The following RIC8A variants were observed in gnomAD, a reference collection of about 807,000 sequenced individuals.
RIC8A encodes the protein RIC8 guanine nucleotide exchange factor A, also known as chaperone Ric-8A.
In RIC8A, 37 loss-of-function variants were observed where a neutral mutation model predicts 48.4. The observed-to-expected ratio is 0.77, with a 90% CI of 0.59 to 1.01. The LOEUF (loss-of-function observed/expected upper bound fraction) is 1.01, where lower values mean the gene tolerates loss of function less well. Among genes scored for constraint, RIC8A ranks in the 50% least tolerant of loss-of-function variants. The pLI is 0.00. For synonymous variants in RIC8A, 288 were observed against 283.4 expected (o/e 1.02, Z -0.16); for missense variants, 681 against 696.8 (o/e 0.98, Z 0.25).
rs776857708 is a variant in RIC8A, at chr11:209,559, T to C, written c.285T>C (p.Tyr95=). 5 of 1,614,138 alleles carry C rather than the reference T, an allele frequency of 3.1e-6. No homozygotes were observed. Among genetic ancestry groups the C allele is most frequent in the South Asian group, 1.1e-5 (1 of 91,090 alleles). ...SRQSLQALAC[Y]ADISVSEGSV... is the part of the protein sequence containing the mutation. ...AGAGCCTGCAGGCACTAGCCTGCTA[T>C]GCTGACATCTCTGTCTCTGAGGGGT... The change falls in exon 3 of 10, where the codon TAT becomes TAC. Residue 95 remains tyrosine, a synonymous_variant. Coordinates refer to ENST00000526104, the MANE Select transcript of RIC8A (RefSeq NM_001286134.2).
intron 9 of RIC8A, chr11:213,625 T>A (rs1855433235): frequency 3.4e-6 from 2 of 585,170 alleles, no homozygotes; most frequent in Non-Finnish European, 5.7e-6. Context: ...CTTTTACAGA[T>A]GATAACTGAG....
At position 209,422 on chromosome 11, in the gene RIC8A, C is replaced by A. The variant is rs780174900; in HGVS notation, c.148C>A (p.Leu50Met). The change falls in exon 3 of 10, where the codon CTG becomes ATG. Residue 50 changes from leucine to methionine, a missense_variant. Physicochemically the swap from Leu to Met is conservative, Grantham distance 15. Transcript: ENST00000526104. Reference protein sequence around the residue: ...QEDRKRLAELLVSVLEQGLPP... With the variant: ...QEDRKRLAELMVSVLEQGLPP... Reference sequence around the variant, plus strand: ...CTGCCCACAGAGACTGGCGGAGCTGCTGGTCTCCGTCCTGGAACAGGGCTT... The same window carrying A: ...CTGCCCACAGAGACTGGCGGAGCTGATGGTCTCCGTCCTGGAACAGGGCTT... 3 of 1,601,082 alleles carry A rather than the reference C, an allele frequency of 1.9e-6. No individual in the cohort carries two copies. The highest frequency in any genetic ancestry group is 1.7e-5 in the Admixed American group (1 of 59,588).
At position 209,295 on chromosome 11, in the gene RIC8A, G is replaced by A; in HGVS notation, c.109G>A (p.Asp37Asn). Residue 37 changes from aspartate to asparagine, a missense_variant, in exon 2 of 10, where the codon GAT becomes AAT. Physicochemically the swap from Asp to Asn is conservative, Grantham distance 23. Transcript: ENST00000526104. ...GCACTCCCAGAGCTTCACGTTTGATGATGCCCAACAGGAGGACCGGAAGGT... is the reference window on the plus strand; with the variant it reads ...GCACTCCCAGAGCTTCACGTTTGATAATGCCCAACAGGAGGACCGGAAGGT... ...QEHSQSFTFD[D>N]AQQEDRKRLA... 6.2e-7 allele frequency: 1 copy of A among 1,613,928 alleles called. No homozygotes were observed. The highest frequency in any genetic ancestry group is 8.5e-7 in the Non-Finnish European group (1 of 1,179,840).
chr11:212,505 G>T lies in RIC8A; in HGVS notation c.1059G>T (p.Lys353Asn). The T allele has an allele frequency of 6.2e-7, 1 of 1,613,834 alleles. No individual in the cohort carries two copies. Among genetic ancestry groups the T allele is most frequent in the Non-Finnish European group, 8.5e-7 (1 of 1,179,886 alleles). The change falls in exon 6 of 10, where the codon AAG (lysine) becomes AAT (asparagine). Residue 353 changes from lysine to asparagine, a missense_variant. Transcript: ENST00000526104. ...RMHRPARKFL[K>N]AQVLPPLRDV... is the part of the protein sequence containing the mutation. ...ACCGCCCAGCCAGGAAGTTCCTGAA[G>T]GCCCAGGTATAAGGCTGAGGAGCTG...
chr11:212,848 A>G lies in RIC8A; in HGVS notation c.1222A>G (p.Ile408Val). The change falls in exon 8 of 10, where the codon ATC (isoleucine) becomes GTC (valine). Residue 408 changes from isoleucine (I) to valine (V), a missense_variant. Transcript: ENST00000526104. ...VLCSESVPRFIKYTGYGNAAG... is the reference protein window; with the variant it reads ...VLCSESVPRFVKYTGYGNAAG... Reference sequence around the variant, plus strand: ...GCCTTGCCCCTCAGTGCCCCGATTCATCAAGTACACAGGCTATGGGAATGC... The same window carrying G: ...GCCTTGCCCCTCAGTGCCCCGATTCGTCAAGTACACAGGCTATGGGAATGC... 2 of 1,606,064 alleles carry G rather than the reference A, an allele frequency of 1.2e-6. No individual in the cohort carries two copies. Among genetic ancestry groups the G allele is most frequent in the Non-Finnish European group, 1.7e-6 (2 of 1,175,510 alleles).
intron 3 of RIC8A, 112 bp from the exon 4 acceptor site, chr11:210,459 G>A (rs1302347589): frequency 5.0e-6 from 5 of 1,007,018 alleles, no homozygotes; most frequent in African/African-American, 3.2e-5. Flanking sequence ...TGCAGTACAG[G>A]AGGTGCACAG....
Position 209,265 on chromosome 11 carries a change from C to T in RIC8A, c.85-6C>T. 6.2e-7 allele frequency: 1 copy of T among 1,614,158 alleles called. No individual in the cohort carries two copies. Among genetic ancestry groups the T allele is most frequent in the Non-Finnish European group, 8.5e-7 (1 of 1,180,012 alleles). ...GTGGATTTGAATTCACTAGTTCTCT[C>T]TGCAGCACTCCCAGAGCTTCACGTT... On this transcript the variant is annotated splice_region_variant and splice_polypyrimidine_tract_variant and intron_variant, in intron 1 of 9. Coordinates refer to ENST00000526104, the MANE Select transcript of RIC8A (RefSeq NM_001286134.2).
At position 209,809 on chromosome 11, in the gene RIC8A, C is replaced by A. The variant is rs771329418; in HGVS notation, c.535C>A (p.Arg179Ser). ...FLLTALRTDV[R>S]QQLFQELKGV... is the part of the protein sequence containing the mutation. ...GCTAACGGCACTCCGCACCGATGTG[C>A]GCCAGCAGCTGTTTCAGGAGCTGAA... The change falls in exon 3 of 10, where the codon CGC (arginine) becomes AGC (serine). Residue 179 changes from arginine (R) to serine (S), a missense_variant. Physicochemically the swap from Arg to Ser is moderately radical, Grantham distance 110. Transcript: ENST00000526104. 6.2e-7 allele frequency: 1 copy of A among 1,613,992 alleles called. No individual in the cohort carries two copies. Among genetic ancestry groups the A allele is most frequent in the Admixed American group, 1.7e-5 (1 of 60,024 alleles).
Position 214,372 on chromosome 11 carries a change from C to A in RIC8A, c.*22C>A, listed in dbSNP as rs370734547. The stretch of plus-strand genomic sequence containing the variant: ...CTGAGGATGGCAGCTCTTCTGCTCC[C>A]CCATCAGGACTGGTGCTGCTTCCAG... On this transcript the variant is annotated 3_prime_UTR_variant, in exon 10 of 10. Coordinates refer to ENST00000526104, the MANE Select transcript of RIC8A (RefSeq NM_001286134.2). The A allele has an allele frequency of 3.2e-6, 5 of 1,571,608 alleles. No homozygotes were observed. Among genetic ancestry groups the A allele is most frequent in the East Asian group, 2.3e-5 (1 of 43,142 alleles).
At position 209,445 on chromosome 11, in the gene RIC8A, C is replaced by T. The variant is rs1387369958; in HGVS notation, c.171C>T (p.Gly57=). The stretch of plus-strand genomic sequence containing the variant: ...TGCTGGTCTCCGTCCTGGAACAGGG[C>T]TTGCCACCCTCCCACCGTGTCATCT... The part of the protein sequence containing the change: ...AELLVSVLEQ[G]LPPSHRVIWL... Residue 57 remains glycine, a synonymous_variant, in exon 3 of 10, where the codon GGC becomes GGT. Transcript: ENST00000526104. 1 of 1,603,454 alleles carries T rather than the reference C, an allele frequency of 6.2e-7. No individual in the cohort carries two copies. Among genetic ancestry groups the T allele is most frequent in the Admixed American group, 1.7e-5 (1 of 59,786 alleles).
rs1402317436 is a variant in RIC8A at position 211,771 on chromosome 11, C to T, written c.969+422C>T. The T allele has an allele frequency of 6.1e-6, 1 of 163,256 alleles. No individual in the cohort carries two copies. Among genetic ancestry groups the T allele is most frequent in the Non-Finnish European group, 1.3e-5 (1 of 74,810 alleles). The allele number at this position is 163,256 out of a possible 1,614,324, so 10.1% of individuals were successfully genotyped here. ...CTACAGGGCATCTGGACAGCTGGGG[C>T]TCTAACCATCTTCCAGGAGCTTGCA... On this transcript the variant is annotated intron_variant, in intron 5 of 9. Coordinates refer to ENST00000526104, the MANE Select transcript of RIC8A (RefSeq NM_001286134.2). The surrounding 1 kb of genome is among the most constrained non-coding windows in gnomAD (Gnocchi z 4.0).
intron 3 of RIC8A, chr11:210,215 G>C (rs1005883756): frequency 3.2e-6 from 2 of 633,734 alleles, no homozygotes; most frequent in Admixed American, 4.9e-5. Flanking sequence ...GGCTCTTGCT[G>C]CCTGGCAGGA....
rs371604801 is a variant in RIC8A at position 210,628 on chromosome 11, G to T, written c.784G>T (p.Ala262Ser). ...CCTTCTCCGGCACTGTGTGATGATC[G>T]CTACTGCTGGAGACCGCACAGAGGA... ...GTLLRHCVMI[A>S]TAGDRTEEFH... The change falls in exon 4 of 10, where the codon GCT (alanine) becomes TCT (serine). Residue 262 changes from alanine (A) to serine (S), a missense_variant. Coordinates refer to ENST00000526104, the MANE Select transcript of RIC8A (RefSeq NM_001286134.2). 6.2e-6 allele frequency: 10 copies of T among 1,613,984 alleles called. No individual in the cohort carries two copies. Among genetic ancestry groups the T allele is most frequent in the African/African-American group, 1.3e-5 (1 of 74,898 alleles).
At chr11:212,813 A>G in intron 7 of RIC8A, 24 bp from the exon 8 acceptor site, 1 of 1,609,718 alleles carries the variant, frequency 6.2e-7, no homozygotes, top group Non-Finnish European at 8.5e-7. Flanking sequence ...AGGCTTGCAC[A>G]CTGACCTCTG....
chr11:209,138 G>C (rs1422326738), intron 1 of RIC8A, 133 bp from the exon 2 acceptor site: 3 of 1,168,946 alleles, frequency 2.6e-6, no homozygotes, highest in East Asian at 2.3e-5. Flanking sequence ...GTGTAGGGAT[G>C]GGGGCGAGTG....
chr11:212,255 G>T, intron 5 of RIC8A, 161 bp from the exon 6 acceptor site: 1 of 657,240 alleles, frequency 1.5e-6, no homozygotes, highest in Non-Finnish European at 2.7e-6. Flanking sequence ...ACCCACTCTT[G>T]GCCTTCTGCT....
Position 212,717 on chromosome 11 carries a change from A to G in RIC8A, c.1168A>G (p.Arg390Gly). ...LMTHLDTDVK[R>G]VAAEFLFVLC... ...GACACACCTGGACACAGATGTGAAG[A>G]GGGTGGCTGCCGAGTTCTTGTTTGT... The change falls in exon 7 of 10, where the codon AGG becomes GGG. Residue 390 changes from arginine to glycine, a missense_variant. Coordinates refer to ENST00000526104, the MANE Select transcript of RIC8A (RefSeq NM_001286134.2). 2.5e-6 allele frequency: 4 copies of G among 1,614,096 alleles called. No homozygotes were observed. Among genetic ancestry groups the G allele is most frequent in the Non-Finnish European group, 2.5e-6 (3 of 1,180,028 alleles).
chr11:213,276 A>C, intron 8 of RIC8A, 23 bp from the exon 9 acceptor site: 1 of 1,613,720 alleles, frequency 6.2e-7, no homozygotes. Flanking sequence ...TGCATTCCCC[A>C]CATTCCACCC....
chr11:214,536 G>A lies in RIC8A; in HGVS notation c.*186G>A, dbSNP rs1397003188. 25 of 730,912 alleles carry A rather than the reference G, an allele frequency of 3.4e-5. No homozygotes were observed. Among genetic ancestry groups the A allele is most frequent in the Admixed American group, 1.2e-4 (6 of 48,814 alleles). The allele number at this position is 730,912 out of a possible 1,614,324, so 45.3% of individuals were successfully genotyped here. On this transcript the variant is annotated 3_prime_UTR_variant, in exon 10 of 10. Coordinates refer to ENST00000526104, the MANE Select transcript of RIC8A (RefSeq NM_001286134.2). ...CCTCTGGTCCAGTTTCTCATCTCTG[G>A]ACTGCAACGGTCTTCTTGTGCTAGA...
Sources: allele counts gnomAD v4.1 joint callset, GRCh38; gene constraint gnomAD v4.1.1; non-coding constraint Gnocchi (gnomAD v3.1); transcripts MANE v1.5; gene names NCBI Gene and HGNC (gene_info 2026-07-23, HGNC 2026-07-21).